Variants in ELMO1 observed in about 807,000 individuals in gnomAD.
The protein encoded by ELMO1 is engulfment and cell motility 1, also known as engulfment and cell motility protein 1.
A neutral mutation model predicts 98.9 loss-of-function variants in ELMO1; 26 were observed. The ratio of observed to expected loss-of-function variants is 0.26; its 90% CI spans 0.19 to 0.36. ELMO1 has a LOEUF of 0.36. Ranked by LOEUF, ELMO1 falls within the 10% of genes least tolerant of loss-of-function variation. The pLI is 1.00. For synonymous variants in ELMO1, 346 were observed against 346.0 expected (o/e 1.00, Z 0.00); for missense variants, 627 against 935.2 (o/e 0.67, Z 4.30).
rs10522661 is a variant in ELMO1 at position 36,899,684 on chromosome 7, C to CTTTTTTTTTT, written c.1438-4677_1438-4668dup. On this transcript the variant is annotated intron_variant, in intron 16 of 21. Transcript: ENST00000310758. ...ACTCATTTTTACTATCTTTACTCATCTTTTTTTTTTTTTTTTACCACTCCT... is the reference window on the plus strand; with the variant it reads ...ACTCATTTTTACTATCTTTACTCATCTTTTTTTTTTTTTTTTTTTTTTTTTTACCACTCCT... 2.5e-3 allele frequency among the ~76,000 whole-genome samples: 160 copies of CTTTTTTTTTT among 63,670 alleles called. 22 individuals carry two copies. Among genetic ancestry groups the CTTTTTTTTTT allele is most frequent in the East Asian group, 8.0e-3 (21 of 2,626 alleles). 41.8% of individuals were successfully genotyped at this position (63,670 alleles called of 152,430 possible). A position where few individuals can be genotyped will look rare whatever the true frequency, so the allele number is the denominator to read the frequency against.
rs1159668994 is a variant in ELMO1, at chr7:37,293,032, C to A, written c.193-21150G>T. On this transcript the variant is annotated intron_variant, in intron 4 of 21. Coordinates refer to ENST00000310758, the MANE Select transcript of ELMO1 (RefSeq NM_014800.11). ...ACTCTGCCCAGCCAGCCGCCCCGTCCGGGAGGGAGGTGGGGGGGTCAGCCC... is the reference window on the plus strand; with the variant it reads ...ACTCTGCCCAGCCAGCCGCCCCGTCAGGGAGGGAGGTGGGGGGGTCAGCCC... 4.2e-4 allele frequency among the ~76,000 whole-genome samples: 20 copies of A among 47,498 alleles called. 4 individuals are homozygous for A. In the East Asian group the frequency reaches 0.024, roughly 57 times the overall value. 31.2% of individuals were successfully genotyped at this position (47,498 alleles called of 152,430 possible). A position where few individuals can be genotyped will look rare whatever the true frequency, so the allele number is the denominator to read the frequency against.
At chr7:37,323,441 C>T (rs1387893526) in intron 2 of ELMO1, among the ~76,000 whole-genome samples, 2 of 152,148 alleles carry the variant, frequency 1.3e-5, no homozygotes, top group Non-Finnish European at 2.9e-5. Flanking sequence ...GCCTGTAATC[C>T]TAGCACTTTA....
chr7:37,156,856 CAA>C (rs1788805640), intron 13 of ELMO1, among the ~76,000 whole-genome samples: 1 of 151,838 alleles, frequency 6.6e-6, no homozygotes, highest in Admixed American at 6.6e-5. Context: ...CTGGTGGAGA[CAA>C]AACAAAAAAA....
chr7:37,060,362 A>G (rs535950259), intron 15 of ELMO1, among the ~76,000 whole-genome samples: 1 of 152,276 alleles, frequency 6.6e-6, no homozygotes, highest in East Asian at 1.9e-4. Context: ...TTGCAGCAAC[A>G]TGGATGCAGC....
At chr7:37,186,277 C>A (rs539419669) in intron 13 of ELMO1, among the ~76,000 whole-genome samples, 1 of 151,964 alleles carries the variant, frequency 6.6e-6, no homozygotes, top group Non-Finnish European at 1.5e-5. Flanking sequence ...TGAAGTTGGA[C>A]CCCTTCCTTA....
rs534062905 is a variant in ELMO1, at chr7:37,380,019, A to G, written c.-73-37256T>C. ...TTGCATATATGTTTACCCATTGTGC[A>G]TGCACTTGGATCCTCTCATGAATAT... On this transcript the variant is annotated intron_variant, in intron 1 of 21. Coordinates refer to ENST00000310758, the MANE Select transcript of ELMO1 (RefSeq NM_014800.11). 1.0e-3 allele frequency among the ~76,000 whole-genome samples: 157 copies of G among 152,328 alleles called. 1 individual carries two copies. The highest frequency in any genetic ancestry group is 3.2e-3 in the African/African-American group (132 of 41,578).
At chr7:37,063,084 C>T (rs1796753953) in intron 15 of ELMO1, among the ~76,000 whole-genome samples, 1 of 152,124 alleles carries the variant, frequency 6.6e-6, no homozygotes, top group Non-Finnish European at 1.5e-5. Context: ...CTGTGGTGTA[C>T]CTTACTACTA....
intron 13 of ELMO1, among the ~76,000 whole-genome samples, chr7:37,194,297 A>G (rs1365077464): frequency 6.6e-6 from 1 of 152,168 alleles, no homozygotes; most frequent in Non-Finnish European, 1.5e-5. Flanking sequence ...AATGGAACAA[A>G]CCAGCCCCTT....
intron 15 of ELMO1, among the ~76,000 whole-genome samples, chr7:37,066,961 G>T (rs1218633557): frequency 6.6e-6 from 1 of 152,138 alleles, no homozygotes; most frequent in Non-Finnish European, 1.5e-5. Flanking sequence ...TAACCTACAA[G>T]ATTTTTGACT....
At position 37,322,622 on chromosome 7, in the gene ELMO1, CA is replaced by C. The variant is rs574986239; in HGVS notation, c.79-6663del. ...GGCGACAACAGTAAAACTCTCTCTC[CA>C]AAAAAAAAAAAAAATACAAAAATAC... On this transcript the variant is annotated intron_variant, in intron 2 of 21. Coordinates refer to ENST00000310758, the MANE Select transcript of ELMO1 (RefSeq NM_014800.11). 3.3e-3 allele frequency among the ~76,000 whole-genome samples: 428 copies of C among 128,644 alleles called. 1 individual carries two copies. The highest frequency in any genetic ancestry group is 3.4e-3 in the African/African-American group (118 of 34,762). The allele number at this position is 128,644 out of a possible 152,430, so 84.4% of individuals were successfully genotyped here.
At chr7:36,891,479 T>C (rs907480990) in intron 17 of ELMO1, among the ~76,000 whole-genome samples, 5 of 152,242 alleles carry the variant, frequency 3.3e-5, no homozygotes, top group African/African-American at 1.2e-4. Flanking sequence ...TTCTTTCCCA[T>C]GGATTTCTAT....
intron 15 of ELMO1, among the ~76,000 whole-genome samples, chr7:37,046,931 T>G (rs1584561405): frequency 6.6e-6 from 1 of 152,370 alleles, no homozygotes; most frequent in East Asian, 1.9e-4. Flanking sequence ...AACAACTCAC[T>G]ATGTGCTTGC....
intron 15 of ELMO1, among the ~76,000 whole-genome samples, chr7:37,072,266 G>A (rs1285601571): frequency 1.3e-5 from 2 of 152,158 alleles, no homozygotes; most frequent in Non-Finnish European, 2.9e-5. Flanking sequence ...GCGTGTTGTA[G>A]GAGGAGCCTG....
intron 10 of ELMO1, among the ~76,000 whole-genome samples, chr7:37,221,443 G>T (rs1270282922): frequency 1.3e-5 from 2 of 152,158 alleles, no homozygotes; most frequent in African/African-American, 4.8e-5. Context: ...GTGAGTGAAA[G>T]AGCTCATATT....
At chr7:37,208,214 G>A (rs370834573) in intron 13 of ELMO1, among the ~76,000 whole-genome samples, 43 of 152,332 alleles carry the variant, frequency 2.8e-4, no homozygotes, top group African/African-American at 9.4e-4. Flanking sequence ...GCTGGTAGAC[G>A]GTCCTGTGGG....
chr7:37,140,622 A>G (rs906286121), intron 13 of ELMO1, among the ~76,000 whole-genome samples: 10 of 152,226 alleles, frequency 6.6e-5, no homozygotes, highest in African/African-American at 2.4e-4. Context: ...GAAAATATTC[A>G]CAATCTATAC....
At chr7:37,064,799 G>A (rs772529694) in intron 15 of ELMO1, among the ~76,000 whole-genome samples, 2 of 152,026 alleles carry the variant, frequency 1.3e-5, no homozygotes, top group Non-Finnish European at 2.9e-5. Context: ...TCTCCTGCAC[G>A]TCTCTCCTGC....
intron 15 of ELMO1, among the ~76,000 whole-genome samples, chr7:37,051,400 G>A (rs774451660): frequency 6.6e-6 from 1 of 152,170 alleles, no homozygotes; most frequent in Non-Finnish European, 1.5e-5. Context: ...ATCTTAACCT[G>A]AGTTTGACCA....
At chr7:37,429,931 T>G (rs1317879144) in intron 1 of ELMO1, among the ~76,000 whole-genome samples, 1 of 152,222 alleles carries the variant, frequency 6.6e-6, no homozygotes, top group East Asian at 1.9e-4. Context: ...AATCAGAATT[T>G]CTAGTGATGA....
Sources: gnomAD v4.1 joint callset for allele counts (sites outside exome capture counted in the v4.1 genomes callset) on GRCh38, gnomAD v4.1.1 for gene constraint, MANE v1.5 for transcripts, NCBI Gene and HGNC (gene_info 2026-07-23, HGNC 2026-07-21) for gene names.